Variants in NCOA2 observed in about 807,000 individuals in gnomAD.
NCOA2 encodes class E basic helix-loop-helix protein 75.
In NCOA2, 21 loss-of-function variants were observed where a neutral mutation model predicts 145.1. That is an observed-to-expected ratio of 0.14 (90% confidence interval 0.10 to 0.21). The LOEUF is 0.21. Among genes scored for constraint, NCOA2 ranks in the 10% least tolerant of loss-of-function variants. The probability of loss-of-function intolerance (pLI) is 1.00; values close to 1 mark genes in which losing one functional copy is unlikely to be tolerated. For synonymous variants in NCOA2, 619 were observed against 637.5 expected (o/e 0.97, Z 0.44); for missense variants, 1,472 against 1,837.6 (o/e 0.80, Z 3.64).
intron 1 of NCOA2, among the ~76,000 whole-genome samples, chr8:70,371,260 G>C (rs1165674920): frequency 6.6e-6 from 1 of 152,082 alleles, no homozygotes; most frequent in Non-Finnish European, 1.5e-5. Flanking sequence ...CTGCACTCCA[G>C]CCTGGGTGAC....
Position 70,309,986 on chromosome 8 carries a change from A to C in NCOA2, c.-76-13186T>G, listed in dbSNP as rs185942453. On this transcript the variant is annotated intron_variant, in intron 1 of 22. Coordinates refer to ENST00000452400, the MANE Select transcript of NCOA2 (RefSeq NM_006540.4). The stretch of plus-strand genomic sequence containing the variant: ...ACAAACAAACAAACAAAAAAACGAA[A>C]CCAAACAAAAAATAGCTAGCTTTTT... Among the ~76,000 whole-genome samples the C allele has an allele frequency of 7.1e-4, 107 of 151,672 alleles. 1 individual carries two copies. In the East Asian group the frequency reaches 0.018, roughly 26 times the overall value.
intron 15 of NCOA2, among the ~76,000 whole-genome samples, chr8:70,132,250 G>A (rs1056990205): frequency 2.6e-5 from 4 of 152,156 alleles, no homozygotes; most frequent in African/African-American, 4.8e-5. Context: ...CCCACTTCAC[G>A]GCTGGCAAAG....
the NCOA2 span, among the ~76,000 whole-genome samples, chr8:70,410,116 A>G: frequency 2.0e-4 from 31 of 152,256 alleles, no homozygotes; most frequent in African/African-American, 7.2e-4. Context: ...AGGCTGAGGC[A>G]GGAGAATCAC....
chr8:70,363,078 T>TAAAAA (rs1233686562), intron 1 of NCOA2, among the ~76,000 whole-genome samples: 1 of 114,024 alleles, frequency 8.8e-6, no homozygotes, highest in African/African-American at 3.5e-5. Flanking sequence ...GACTCTGTCT[T>TAAAAA]TAAAAAAAAA....
At chr8:70,405,482 A>AGC (rs1398810594), upstream of NCOA2, among the ~76,000 whole-genome samples, 2 of 106,018 alleles carry the variant, frequency 1.9e-5, no homozygotes, top group Non-Finnish European at 3.5e-5. Flanking sequence ...AGCTGGAATA[A>AGC]TAGAATTATG....
At chr8:70,229,694 G>A (rs957749785) in intron 2 of NCOA2, among the ~76,000 whole-genome samples, 2 of 152,078 alleles carry the variant, frequency 1.3e-5, no homozygotes, top group Non-Finnish European at 2.9e-5. Context: ...GAGCCAGCAC[G>A]ACCCCAGAAC....
At chr8:70,364,844 T>TC (rs1204244094) in intron 1 of NCOA2, among the ~76,000 whole-genome samples, 95 of 146,996 alleles carry the variant, frequency 6.5e-4, no homozygotes, top group African/African-American at 1.9e-3. Context: ...TTTTTTTTTT[T>TC]CCCCCAGTCT....
chr8:70,193,166 T>C (rs1324996577), intron 4 of NCOA2, among the ~76,000 whole-genome samples: 1 of 151,928 alleles, frequency 6.6e-6, no homozygotes, highest in Non-Finnish European at 1.5e-5. Context: ...CAGTAATGCT[T>C]CTAAAAGAAC....
intron 1 of NCOA2, among the ~76,000 whole-genome samples, chr8:70,347,713 G>A (rs767872644): frequency 2.0e-5 from 3 of 151,998 alleles, no homozygotes; most frequent in African/African-American, 7.3e-5. Flanking sequence ...ACCTAGCCCC[G>A]CTACAGCACA....
At chr8:70,183,717 GC>G (rs1017621321) in intron 4 of NCOA2, among the ~76,000 whole-genome samples, 3 of 152,158 alleles carry the variant, frequency 2.0e-5, no homozygotes, top group African/African-American at 7.2e-5. Context: ...ACGAAGTTAG[GC>G]CCCTGCCGCC....
chr8:70,363,016 C>T (rs554082959), intron 1 of NCOA2, among the ~76,000 whole-genome samples: 4 of 147,252 alleles, frequency 2.7e-5, no homozygotes, highest in African/African-American at 1.0e-4. Context: ...GAGGTCGAGG[C>T]TACAGTGAGC....
chr8:70,296,403 C>T (rs1314484596), intron 2 of NCOA2, among the ~76,000 whole-genome samples: 2 of 152,090 alleles, frequency 1.3e-5, no homozygotes, highest in African/African-American at 4.8e-5. Flanking sequence ...GAAATACCAC[C>T]ACTCAAATTT....
chr8:70,188,406 C>T (rs1170804028), intron 4 of NCOA2, among the ~76,000 whole-genome samples: 2 of 152,098 alleles, frequency 1.3e-5, no homozygotes, highest in South Asian at 2.1e-4. Context: ...ATCATAATGC[C>T]GTAAGGCTAT....
rs1420419673 is a variant in NCOA2 at position 70,111,020 on chromosome 8, T to C, written c.*2612A>G. 4.5e-6 allele frequency: 1 copy of C among 223,722 alleles called. No homozygotes were observed. The allele number at this position is 223,722 out of a possible 1,614,324, so 13.9% of individuals were successfully genotyped here. A position where few individuals can be genotyped will look rare whatever the true frequency, so the allele number is the denominator to read the frequency against. Reference sequence around the variant, plus strand: ...TAATGAAGGGAACTGATTTGGCTTTTGCTTCTATAGTGATCAATATGATCA... The same window carrying C: ...TAATGAAGGGAACTGATTTGGCTTTCGCTTCTATAGTGATCAATATGATCA... On this transcript the variant is annotated 3_prime_UTR_variant, in exon 23 of 23. Coordinates refer to ENST00000452400, the MANE Select transcript of NCOA2 (RefSeq NM_006540.4).
At chr8:70,388,074 A>G (rs1215241264) in intron 1 of NCOA2, among the ~76,000 whole-genome samples, 2 of 152,252 alleles carry the variant, frequency 1.3e-5, no homozygotes, top group African/African-American at 2.4e-5. Flanking sequence ...CTGAGCCACA[A>G]CATTTGTGAG....
intron 1 of NCOA2, among the ~76,000 whole-genome samples, chr8:70,320,397 C>T (rs1805946647): frequency 6.6e-6 from 1 of 152,058 alleles, no homozygotes; most frequent in Non-Finnish European, 1.5e-5. Context: ...GTTAAAAACT[C>T]TACTATATGA....
chr8:70,141,432 A>T (rs760432525), intron 13 of NCOA2, 33 bp from the exon 14 acceptor site: 1 of 1,573,236 alleles, frequency 6.4e-7, no homozygotes, highest in South Asian at 1.1e-5. Context: ...TGAGAGATGC[A>T]GTAACTGAAA....
intron 2 of NCOA2, among the ~76,000 whole-genome samples, chr8:70,274,329 G>C (rs768269802): frequency 2.7e-4 from 41 of 152,004 alleles, no homozygotes; most frequent in Non-Finnish European, 5.3e-4. Context: ...AAATAATTCA[G>C]ATCCATATCT....
chr8:70,299,969 G>C (rs1827371544), intron 1 of NCOA2, among the ~76,000 whole-genome samples: 1 of 152,206 alleles, frequency 6.6e-6, no homozygotes, highest in Non-Finnish European at 1.5e-5. Context: ...TTATCAATAT[G>C]TGAACAACAC....
Sources: allele counts gnomAD v4.1 joint callset (sites outside exome capture counted in the v4.1 genomes callset), GRCh38; gene constraint gnomAD v4.1.1; transcripts MANE v1.5; gene names NCBI Gene and HGNC (gene_info 2026-07-23, HGNC 2026-07-21).